PARD3: variants seen among roughly 807,000 people sequenced by gnomAD.
The protein encoded by PARD3 is partitioning defective 3 homolog.
In PARD3, 75 loss-of-function variants were observed where a neutral mutation model predicts 155.4. That is an observed-to-expected ratio of 0.48 (90% CI 0.40 to 0.58). PARD3 has a LOEUF of 0.58. PARD3 is among the 20% of genes least tolerant of loss of function. The pLI, the probability that PARD3 is intolerant of heterozygous loss-of-function variation, is 0.00. For synonymous variants in PARD3, 576 were observed against 610.5 expected (o/e 0.94, Z 0.83); for missense variants, 1,642 against 1,721.7 (o/e 0.95, Z 0.82).
At chr10:34,645,311 T>C (rs140824027) in intron 2 of PARD3, among the ~76,000 whole-genome samples, 2,583 of 152,134 alleles carry the variant, frequency 0.017, 69 homozygotes, top group African/African-American at 0.059. Context: ...GTTCAAGAGA[T>C]TCTCATGCCT....
At chr10:34,653,610 C>A (rs902636180) in intron 2 of PARD3, among the ~76,000 whole-genome samples, 1 of 152,078 alleles carries the variant, frequency 6.6e-6, no homozygotes, top group Non-Finnish European at 1.5e-5. Context: ...ACCAACATCA[C>A]ACTTTTATAT....
intron 1 of PARD3, 59 bp downstream of exon 1, chr10:34,814,817 T>A (rs1844701338): frequency 2.3e-6 from 3 of 1,287,924 alleles, no homozygotes; most frequent in Admixed American, 4.4e-5. Flanking sequence ...AAGCGCCATA[T>A]TGATCCCGGC....
At chr10:34,595,551 C>T (rs983051304) in intron 2 of PARD3, among the ~76,000 whole-genome samples, 8 of 152,162 alleles carry the variant, frequency 5.3e-5, no homozygotes, top group Non-Finnish European at 1.0e-4. Context: ...TGACACTCTA[C>T]ATGCCAATTA....
intron 12 of PARD3, among the ~76,000 whole-genome samples, chr10:34,371,617 T>C (rs1179631434): frequency 6.6e-6 from 1 of 151,468 alleles, no homozygotes; most frequent in Non-Finnish European, 1.5e-5. Context: ...GTTTATTATG[T>C]TATTTAAATT....
intron 2 of PARD3, among the ~76,000 whole-genome samples, chr10:34,573,396 C>T (rs1003790821): frequency 6.6e-6 from 1 of 151,202 alleles, no homozygotes; most frequent in African/African-American, 2.4e-5. Flanking sequence ...TTACAGTCTT[C>T]GCTAAGTAAG....
chr10:34,634,202 T>C (rs1240148955), intron 2 of PARD3, among the ~76,000 whole-genome samples: 3 of 152,064 alleles, frequency 2.0e-5, no homozygotes, highest in East Asian at 3.9e-4. Flanking sequence ...CCAGAAAAAA[T>C]AGGGGAGTTG....
intron 2 of PARD3, among the ~76,000 whole-genome samples, chr10:34,673,321 T>G (rs1393263210): frequency 6.6e-6 from 1 of 152,218 alleles, no homozygotes; most frequent in Admixed American, 6.5e-5. Flanking sequence ...TTTTTTGTTT[T>G]TCATTTTAAA....
At chr10:34,214,154 G>A (rs1429741761) in intron 22 of PARD3, among the ~76,000 whole-genome samples, 1 of 152,138 alleles carries the variant, frequency 6.6e-6, no homozygotes, top group Non-Finnish European at 1.5e-5. Context: ...TCCTGCCTCA[G>A]GCTCCCAAGC....
intron 5 of PARD3, among the ~76,000 whole-genome samples, chr10:34,422,559 CA>C (rs566231042): frequency 9.7e-5 from 14 of 144,208 alleles, no homozygotes; most frequent in African/African-American, 2.0e-4. Context: ...AAAATAAATA[CA>C]AAAAAAAAAC....
At chr10:34,565,071 C>G (rs1458885609) in intron 2 of PARD3, among the ~76,000 whole-genome samples, 2 of 151,544 alleles carry the variant, frequency 1.3e-5, no homozygotes, top group Non-Finnish European at 2.9e-5. Context: ...CTGAGCAATA[C>G]TGTCTATAAA....
intron 4 of PARD3, among the ~76,000 whole-genome samples, chr10:34,460,699 G>T (rs1297875164): frequency 2.0e-5 from 3 of 152,078 alleles, no homozygotes; most frequent in Non-Finnish European, 4.4e-5. Context: ...CGGGTGTGGT[G>T]GCAGGCACCT....
chr10:34,242,593 A>G (rs1356063081), intron 22 of PARD3, among the ~76,000 whole-genome samples: 2 of 152,238 alleles, frequency 1.3e-5, no homozygotes, highest in Non-Finnish European at 2.9e-5. Flanking sequence ...ATGAAAACCA[A>G]TATTTCACGA....
intron 22 of PARD3, among the ~76,000 whole-genome samples, chr10:34,229,508 C>T (rs1401822546): frequency 3.9e-5 from 6 of 152,054 alleles, no homozygotes; most frequent in Non-Finnish European, 7.3e-5. Flanking sequence ...CCTGACCTCC[C>T]AAAGCGCTAG....
At chr10:34,522,286 A>G (rs1356529231) in intron 2 of PARD3, among the ~76,000 whole-genome samples, 1 of 152,158 alleles carries the variant, frequency 6.6e-6, no homozygotes, top group African/African-American at 2.4e-5. Context: ...AAGGAAAGTG[A>G]GCAGCATTTA....
At chr10:34,193,205 T>TCTAA (rs1325637484) in intron 22 of PARD3, among the ~76,000 whole-genome samples, 1 of 152,216 alleles carries the variant, frequency 6.6e-6, no homozygotes, top group Non-Finnish European at 1.5e-5. Flanking sequence ...ATTTTACACT[T>TCTAA]CTAAGCAGCT....
At chr10:34,294,736 A>G (rs997421727) in intron 20 of PARD3, among the ~76,000 whole-genome samples, 5 of 152,172 alleles carry the variant, frequency 3.3e-5, no homozygotes, top group Non-Finnish European at 7.3e-5. Context: ...AACTAAACCT[A>G]ATTCTTAGAA....
intron 3 of PARD3, among the ~76,000 whole-genome samples, chr10:34,491,889 AGATAGAACCACTG>A (rs2133329444): frequency 6.6e-6 from 1 of 152,336 alleles, no homozygotes; most frequent in African/African-American, 2.4e-5. Context: ...CAACAAGCAC[AGATAGAACCACTG>A]GGGGGAAAAA....
intron 1 of PARD3, among the ~76,000 whole-genome samples, chr10:34,794,149 G>A (rs1334807880): frequency 2.6e-5 from 4 of 152,048 alleles, no homozygotes; most frequent in Admixed American, 6.6e-5. Flanking sequence ...ATATCACAAG[G>A]GGACAAGGGT....
At chr10:34,238,849 AT>A (rs1953400625) in intron 22 of PARD3, among the ~76,000 whole-genome samples, 2 of 152,204 alleles carry the variant, frequency 1.3e-5, no homozygotes, top group African/African-American at 4.8e-5. Flanking sequence ...AATAAGCAGC[AT>A]TTTTTCCAGC....
Sources: gnomAD v4.1 joint callset for allele counts (sites outside exome capture counted in the v4.1 genomes callset) on GRCh38, gnomAD v4.1.1 for gene constraint, MANE v1.5 for transcripts, NCBI Gene and HGNC (gene_info 2026-07-23, HGNC 2026-07-21) for gene names.